AP5B1: variants seen among roughly 807,000 people sequenced by gnomAD.
AP5B1 encodes the protein AP-5 complex subunit beta-1.
Under a neutral mutation model 5.7 loss-of-function variants are expected in AP5B1, and 3 were observed. The observed-to-expected ratio is 0.53, with a 90% CI of 0.24 to 1.36. The LOEUF (loss-of-function observed/expected upper bound fraction) is 1.36. Ranked by LOEUF, AP5B1 falls within the 40% of genes most tolerant of loss-of-function variation. The probability of loss-of-function intolerance (pLI) is 0.17; values close to 1 mark genes in which losing one functional copy is unlikely to be tolerated. For synonymous variants in AP5B1, 696 were observed against 555.5 expected (o/e 1.25, Z -3.56); for missense variants, 1,310 against 1,143.2 (o/e 1.15, Z -2.10).
rs1360744478 is a variant in AP5B1 at position 65,780,619 on chromosome 11, G to A, written c.-28C>T. ...TGAGGCGCGCGGGCCCCTGCGCAGG[G>A]AAGAGGGACCCTCAGGCCGCAGCCA... On this transcript the variant is annotated 5_prime_UTR_variant, in exon 1 of 2. Coordinates refer to ENST00000532090, the MANE Select transcript of AP5B1 (RefSeq NM_138368.5). The A allele has an allele frequency of 5.2e-6, 7 of 1,350,718 alleles. No homozygotes were observed. The highest frequency in any genetic ancestry group is 4.6e-5 in the African/African-American group (3 of 65,072). 83.7% of individuals were successfully genotyped at this position (1,350,718 alleles called of 1,614,324 possible). A position where few individuals can be genotyped will look rare whatever the true frequency, so the allele number is the denominator to read the frequency against.
rs1477712118 is a variant in AP5B1, at chr11:65,778,867, T to C, written c.1626A>G (p.Gln542=). The part of the protein sequence containing the change: ...GRDEALCWHL[Q]MLAKVADGDA... ...CTCCATCTGCCACCTTTGCCAGCAT[T>C]TGCAGGTGCCAGCAAAGAGCTTCAT... Residue 542 remains glutamine, a synonymous_variant, in exon 2 of 2, where the codon CAA becomes CAG. Coordinates refer to ENST00000532090, the MANE Select transcript of AP5B1 (RefSeq NM_138368.5). 6.2e-7 allele frequency: 1 copy of C among 1,609,704 alleles called. No individual in the cohort carries two copies. The highest frequency in any genetic ancestry group is 8.5e-7 in the Non-Finnish European group (1 of 1,178,148).
At position 65,777,997 on chromosome 11, in the gene AP5B1, G is replaced by T. The variant is rs879942298; in HGVS notation, c.2496C>A (p.Ile832=). Residue 832 remains isoleucine, a synonymous_variant, in exon 2 of 2, where the codon ATC becomes ATA. Coordinates refer to ENST00000532090, the MANE Select transcript of AP5B1 (RefSeq NM_138368.5). ...AQPPTSYCVA[I]HLPPDSKLLL... ...GCAGCTTTGAGTCCGGGGGCAGGTGGATTGCTACACAGTAGCTGGTAGGAG... is the reference window on the plus strand; with the variant it reads ...GCAGCTTTGAGTCCGGGGGCAGGTGTATTGCTACACAGTAGCTGGTAGGAG... 1.2e-6 allele frequency: 2 copies of T among 1,611,776 alleles called. No individual in the cohort carries two copies. Among genetic ancestry groups the T allele is most frequent in the Non-Finnish European group, 1.7e-6 (2 of 1,179,448 alleles).
In AP5B1 at chr11:65,777,979, T is replaced by C; in HGVS notation, c.2514A>G (p.Ser838=). 2 of 1,607,474 alleles carry C rather than the reference T, an allele frequency of 1.2e-6. No individual in the cohort carries two copies. The highest frequency in any genetic ancestry group is 1.7e-6 in the Non-Finnish European group (2 of 1,177,552). The change falls in exon 2 of 2, where the codon TCA becomes TCG. Residue 838 remains serine (S), a synonymous_variant. Coordinates refer to ENST00000532090, the MANE Select transcript of AP5B1 (RefSeq NM_138368.5). ...CCGCCTCCAGCCGCAGCAGCAGCTT[T>C]GAGTCCGGGGGCAGGTGGATTGCTA... ...YCVAIHLPPD[S]KLLLRLEAAL...
At position 65,778,632 on chromosome 11, in the gene AP5B1, G is replaced by A. The variant is rs1857798782; in HGVS notation, c.1861C>T (p.His621Tyr). Residue 621 changes from histidine to tyrosine, a missense_variant, in exon 2 of 2, where the codon CAC becomes TAC. Transcript: ENST00000532090. ...ACCCCCAACTTGGGTGCTGCCAGGT[G>A]TGCCAGCAGGATGTAGTAGAGGCGG... The part of the protein sequence containing the change: ...HARLYYILLA[H>Y]LAAPKLGVAL... 1.3e-6 allele frequency: 2 copies of A among 1,595,048 alleles called. No homozygotes were observed. Among genetic ancestry groups the A allele is most frequent in the African/African-American group, 1.3e-5 (1 of 74,636 alleles).
chr11:65,780,727 C>G lies in AP5B1; in HGVS notation c.-136G>C. On this transcript the variant is annotated 5_prime_UTR_variant, in exon 1 of 2. Transcript: ENST00000532090. ...CGCAGATGCCGGCGGGACCCGCGCC[C>G]GGCTCCCACGGTGAGACCAGGGCTC... 1.1e-6 allele frequency: 1 copy of G among 950,444 alleles called. No homozygotes were observed. Among genetic ancestry groups the G allele is most frequent in the Non-Finnish European group, 1.4e-6 (1 of 727,388 alleles). The allele number at this position is 950,444 out of a possible 1,614,324, so 58.9% of individuals were successfully genotyped here.
Position 65,778,339 on chromosome 11 carries a change from G to A in AP5B1, c.2154C>T (p.Gly718=), listed in dbSNP as rs770254353. 5.4e-5 allele frequency: 87 copies of A among 1,611,470 alleles called. No individual in the cohort carries two copies. Among genetic ancestry groups the A allele is most frequent in the Non-Finnish European group, 7.3e-5 (86 of 1,179,388 alleles). Residue 718 remains glycine, a synonymous_variant, in exon 2 of 2, where the codon GGC becomes GGT. Coordinates refer to ENST00000532090, the MANE Select transcript of AP5B1 (RefSeq NM_138368.5). ...EAVHVPCLCP[G]RPARPLLLPL... The stretch of plus-strand genomic sequence containing the variant: ...GCAGGAGCAGAGGGCGGGCAGGGCG[G>A]CCAGGACACAGGCAGGGCACATGGA...
chr11:65,775,775 C>T lies in AP5B1; in HGVS notation c.*2081G>A, dbSNP rs911221499. ...GAAGTTTCTGTTTCCTGAAACTGAC[C>T]CCTTCCTGATTTGGAAATGACTTGC... On this transcript the variant is annotated 3_prime_UTR_variant, in exon 2 of 2. Transcript: ENST00000532090. The T allele has an allele frequency of 4.6e-5, 7 of 152,178 alleles. No individual in the cohort carries two copies. Among genetic ancestry groups the T allele is most frequent in the African/African-American group, 1.7e-4 (7 of 41,432 alleles). The allele number at this position is 152,178 out of a possible 1,614,324, so 9.4% of individuals were successfully genotyped here. A position where few individuals can be genotyped will look rare whatever the true frequency, so the allele number is the denominator to read the frequency against.
chr11:65,779,965 C>A lies in AP5B1; in HGVS notation c.528G>T (p.Leu176=). The A allele has an allele frequency of 6.3e-7, 1 of 1,583,968 alleles. No homozygotes were observed. The highest frequency in any genetic ancestry group is 1.1e-5 in the South Asian group (1 of 88,090). Residue 176 remains leucine, a synonymous_variant, in exon 2 of 2, where the codon CTG becomes CTT. Transcript: ENST00000532090. ...GTGGCTGGACAGGGCCTTCCTGCCCCAGCAGGCCCCGCAGCAACCCCAGGG... is the reference window on the plus strand; with the variant it reads ...GTGGCTGGACAGGGCCTTCCTGCCCAAGCAGGCCCCGCAGCAACCCCAGGG... ...GGSLGLLRGL[L]GQEGPVQPLS...
chr11:65,780,125 A>G lies in AP5B1; in HGVS notation c.368T>C (p.Leu123Pro). 2.0e-6 allele frequency: 3 copies of G among 1,488,528 alleles called. No individual in the cohort carries two copies. The highest frequency in any genetic ancestry group is 2.7e-6 in the Non-Finnish European group (3 of 1,120,898). The allele number at this position is 1,488,528 out of a possible 1,614,324, so 92.2% of individuals were successfully genotyped here. Residue 123 changes from leucine to proline, a missense_variant, in exon 2 of 2, where the codon CTA (leucine) becomes CCA (proline). Physicochemically the swap from Leu to Pro is moderately conservative, Grantham distance 98. Coordinates refer to ENST00000532090, the MANE Select transcript of AP5B1 (RefSeq NM_138368.5). ...GCTACCCGCGGCCAGGCCGAGCAGT[A>G]GGGGCAGGAGCCGGCAGGAGGCGCC... ...TSGASCRLLPLLLGLAAGSDL... is the reference protein window; with the variant it reads ...TSGASCRLLPPLLGLAAGSDL...
chr11:65,780,713 G>A lies in AP5B1; in HGVS notation c.-122C>T, dbSNP rs1857841740. 1.9e-6 allele frequency: 2 copies of A among 1,069,052 alleles called. No individual in the cohort carries two copies. The highest frequency in any genetic ancestry group is 2.4e-6 in the Non-Finnish European group (2 of 834,312). The allele number at this position is 1,069,052 out of a possible 1,614,324, so 66.2% of individuals were successfully genotyped here. A position where few individuals can be genotyped will look rare whatever the true frequency, so the allele number is the denominator to read the frequency against. Reference sequence around the variant, plus strand: ...ACCCCCAGACGCCGCGCAGATGCCGGCGGGACCCGCGCCCGGCTCCCACGG... The same window carrying A: ...ACCCCCAGACGCCGCGCAGATGCCGACGGGACCCGCGCCCGGCTCCCACGG... On this transcript the variant is annotated 5_prime_UTR_variant, in exon 1 of 2. Transcript: ENST00000532090.
chr11:65,776,644 G>A lies in AP5B1; in HGVS notation c.*1212C>T, dbSNP rs1857768646. 6.6e-6 allele frequency: 1 copy of A among 152,226 alleles called. No homozygotes were observed. The highest frequency in any genetic ancestry group is 2.4e-5 in the African/African-American group (1 of 41,468). 9.4% of individuals were successfully genotyped at this position (152,226 alleles called of 1,614,324 possible). A position where few individuals can be genotyped will look rare whatever the true frequency, so the allele number is the denominator to read the frequency against. ...GCACAAATTAGGTTTCTTAGGGGCT[G>A]AGATTAGAAAAAACTTGGTCTCAGA... On this transcript the variant is annotated 3_prime_UTR_variant, in exon 2 of 2. Coordinates refer to ENST00000532090, the MANE Select transcript of AP5B1 (RefSeq NM_138368.5).
Position 65,777,928 on chromosome 11 carries a change from G to A in AP5B1, c.2565C>T (p.Ala855=), listed in dbSNP as rs1419768148. Residue 855 remains alanine (A), a synonymous_variant, in exon 2 of 2, where the codon GCC becomes GCT. Coordinates refer to ENST00000532090, the MANE Select transcript of AP5B1 (RefSeq NM_138368.5). ...EAALADGVPV[A]LRTDDWAVLP... ...GCACGGCCCAGTCATCGGTCCGCAGGGCCACAGGCACTCCATCTGCCAGGG... is the reference window on the plus strand; with the variant it reads ...GCACGGCCCAGTCATCGGTCCGCAGAGCCACAGGCACTCCATCTGCCAGGG... The A allele has an allele frequency of 3.2e-6, 5 of 1,565,254 alleles. No homozygotes were observed. Among genetic ancestry groups the A allele is most frequent in the South Asian group, 1.2e-5 (1 of 86,100 alleles).
rs371769139 is a variant in AP5B1, at chr11:65,776,677, C to A, written c.*1179G>T. The stretch of plus-strand genomic sequence containing the variant: ...AAAAAACTTGGTCTCAGACCCTAGA[C>A]CTTATTAGCAGGCCCTTCCTAGAGC... On this transcript the variant is annotated 3_prime_UTR_variant, in exon 2 of 2. Coordinates refer to ENST00000532090, the MANE Select transcript of AP5B1 (RefSeq NM_138368.5). The A allele has an allele frequency of 1.3e-5, 2 of 152,348 alleles. No individual in the cohort carries two copies. The highest frequency in any genetic ancestry group is 1.9e-4 in the East Asian group (1 of 5,186). The allele number at this position is 152,348 out of a possible 1,614,324, so 9.4% of individuals were successfully genotyped here.
chr11:65,777,879 G>T lies in AP5B1; in HGVS notation c.2614C>A (p.Arg872Ser). ...GCTCAGACAGCAGCCGCCAGCCCACGGAGGTAGTCCCCCGCCAGGGGCAGC... is the reference window on the plus strand; with the variant it reads ...GCTCAGACAGCAGCCGCCAGCCCACTGAGGTAGTCCCCCGCCAGGGGCAGC... Reference protein sequence around the residue: ...AVLPLAGDYLRGLAAAV With the variant: ...AVLPLAGDYLSGLAAAV The change falls in exon 2 of 2, where the codon CGT (arginine) becomes AGT (serine). Residue 872 changes from arginine (R) to serine (S), a missense_variant. Arg to Ser is a moderately radical substitution (Grantham distance 110). Coordinates refer to ENST00000532090, the MANE Select transcript of AP5B1 (RefSeq NM_138368.5). 6.5e-7 allele frequency: 1 copy of T among 1,537,396 alleles called. No individual in the cohort carries two copies. The highest frequency in any genetic ancestry group is 1.2e-5 in the South Asian group (1 of 82,576).
chr11:65,779,525 A>G lies in AP5B1; in HGVS notation c.968T>C (p.Leu323Pro). The G allele has an allele frequency of 1.2e-6, 2 of 1,606,746 alleles. No homozygotes were observed. Among genetic ancestry groups the G allele is most frequent in the South Asian group, 1.1e-5 (1 of 90,548 alleles). The change falls in exon 2 of 2, where the codon CTG (leucine) becomes CCG (proline). Residue 323 changes from leucine to proline, a missense_variant. By Grantham distance (98) the Leu-to-Pro change is moderately conservative. Transcript: ENST00000532090. ...CTTGAGCGCAAGCATGGCGTGCAAC[A>G]GTGTCAGCTGTGCTGTGCCTAGCAG... is the stretch of plus-strand genomic sequence containing the variant. ...VRLLGTAQLT[L>P]LHAMLALKAA...
rs1857828055 is a variant in AP5B1 at position 65,780,024 on chromosome 11, G to C, written c.469C>G (p.Leu157Val). 9.6e-6 allele frequency: 15 copies of C among 1,557,878 alleles called. No homozygotes were observed. The Middle Eastern group carries it at 6.9e-4, about 71-fold the overall frequency. ...QATACECLRE[L>V]ESCKPGLLGG... ...AGCAGCCCGGGCTTGCAGCTCTCTA[G>C]CTCTCGCAGGCACTCGCAGGCCGTG... The change falls in exon 2 of 2, where the codon CTA becomes GTA. Residue 157 changes from leucine (L) to valine (V), a missense_variant. By Grantham distance (32) the Leu-to-Val change is conservative. Coordinates refer to ENST00000532090, the MANE Select transcript of AP5B1 (RefSeq NM_138368.5).
Position 65,779,623 on chromosome 11 carries a change from C to T in AP5B1, c.870G>A (p.Leu290=), listed in dbSNP as rs1023066555. ...CCCGCAGGGCCCAGCCCAGCAGCCA[C>T]AGGAGCTGGGCCTGGGCCACAGGAG... The part of the protein sequence containing the change: ...LLTPVAQAQL[L]WLLGWALRGL... Residue 290 remains leucine, a synonymous_variant, in exon 2 of 2, where the codon CTG becomes CTA. Coordinates refer to ENST00000532090, the MANE Select transcript of AP5B1 (RefSeq NM_138368.5). The T allele has an allele frequency of 1.4e-5, 23 of 1,608,238 alleles. No homozygotes were observed. Among genetic ancestry groups the T allele is most frequent in the Middle Eastern group, 1.7e-4 (1 of 6,042 alleles).
chr11:65,780,481 C>T lies in AP5B1; in HGVS notation c.111G>A (p.Leu37=). 6.6e-7 allele frequency: 1 copy of T among 1,519,288 alleles called. No individual in the cohort carries two copies. The highest frequency in any genetic ancestry group is 8.8e-7 in the Non-Finnish European group (1 of 1,140,198). 94.1% of individuals were successfully genotyped at this position (1,519,288 alleles called of 1,614,324 possible). Residue 37 remains leucine, a synonymous_variant, in exon 1 of 2, where the codon CTG becomes CTA. Transcript: ENST00000532090. The part of the protein sequence containing the change: ...PEGEDLGRDL[L]SDLRSEKLSE... ...TCAGCTTCTCACTTCTCAGGTCGCTCAGCAGGTCGCGACCCAAATCCTCCC... is the reference window on the plus strand; with the variant it reads ...TCAGCTTCTCACTTCTCAGGTCGCTTAGCAGGTCGCGACCCAAATCCTCCC...
chr11:65,778,906 G>GGACACCACCACCTGCCGC lies in AP5B1; in HGVS notation c.1569_1586dup (p.Gln525_Arg530dup). 6.2e-7 allele frequency: 1 copy of GGACACCACCACCTGCCGC among 1,612,090 alleles called. No homozygotes were observed. The highest frequency in any genetic ancestry group is 8.5e-7 in the Non-Finnish European group (1 of 1,179,400). On this transcript the variant is annotated inframe_insertion, in exon 2 of 2. Transcript: ENST00000532090. Reference sequence around the variant, plus strand: ...AAAGAGCTTCATCCCTGCCCGGCCTGGACACCACCACCTGCCGCAACACCA... The same window carrying GGACACCACCACCTGCCGC: ...AAAGAGCTTCATCCCTGCCCGGCCTGGACACCACCACCTGCCGCGACACCACCACCTGCCGCAACACCA...
Sources: gnomAD v4.1 joint callset for allele counts on GRCh38, gnomAD v4.1.1 for gene constraint, MANE v1.5 for transcripts, NCBI Gene and HGNC (gene_info 2026-07-23, HGNC 2026-07-21) for gene names.